LRRC36: variants seen among roughly 807,000 people sequenced by gnomAD.
LRRC36 encodes the protein leucine rich repeat containing 36.
A neutral mutation model predicts 81.1 loss-of-function variants in LRRC36; 62 were observed. The ratio of observed to expected loss-of-function variants is 0.76; its 90% CI spans 0.62 to 0.94. The LOEUF (loss-of-function observed/expected upper bound fraction) is 0.94, where lower values mean the gene tolerates loss of function less well. Ranked by LOEUF, LRRC36 falls within the 40% of genes least tolerant of loss-of-function variation. The pLI, the probability that LRRC36 is intolerant of heterozygous loss-of-function variation, is 0.00. For synonymous variants in LRRC36, 334 were observed against 348.6 expected (o/e 0.96, Z 0.47); for missense variants, 761 against 881.7 (o/e 0.86, Z 1.73).
intron 5 of LRRC36, chr16:67,362,074 T>C (rs2039172961): frequency 5.9e-6 from 2 of 340,802 alleles, no homozygotes; most frequent in South Asian, 2.2e-5. Flanking sequence ...CTATTAAAAC[T>C]TTTTTTTAAT....
chr16:67,362,257 G>C (rs775664903), intron 5 of LRRC36: 4 of 447,560 alleles, frequency 8.9e-6, no homozygotes, highest in South Asian at 1.6e-5. Context: ...CTACCTCCTG[G>C]GTTCAAGCAG....
intron 2 of LRRC36, among the ~76,000 whole-genome samples, chr16:67,344,252 G>C (rs1289629527): frequency 2.6e-5 from 4 of 152,132 alleles, no homozygotes; most frequent in Admixed American, 2.6e-4. Context: ...AAAAGTGAGA[G>C]GATAAGAGTT....
intron 9 of LRRC36, chr16:67,371,690 G>T: frequency 4.7e-6 from 1 of 212,878 alleles, no homozygotes; most frequent in South Asian, 8.3e-5. Context: ...GGCCAACATG[G>T]CGAAACCCCA....
chr16:67,345,305 C>A (rs117489568), intron 2 of LRRC36, among the ~76,000 whole-genome samples: 4,141 of 147,310 alleles, frequency 0.028, 61 homozygotes, highest in South Asian at 0.032. Context: ...TAGAGTGATA[C>A]CCTGTCTCAA....
Position 67,347,603 on chromosome 16 carries a change from C to T in LRRC36, c.488+12C>T. 1 of 1,596,676 alleles carries T rather than the reference C, an allele frequency of 6.3e-7. No homozygotes were observed. ...GAGGTGGAAAAAAGGTAAGAAGATT[C>T]TTTACAAAATTTTTAAAGTTTGGTT... On this transcript the variant is annotated intron_variant, in intron 4 of 13. Transcript: ENST00000329956.
rs758982907 is a variant in LRRC36, at chr16:67,342,089, G to A, written c.198+5G>A. 34 of 1,583,688 alleles carry A rather than the reference G, an allele frequency of 2.1e-5. No individual in the cohort carries two copies. In the South Asian group the frequency reaches 3.8e-4, roughly 18 times the overall value. ...AATTTGATCACTAGCCTTAAGGTAAGTTATATATTCTATGACCAGCCAGGT... is the reference window on the plus strand; with the variant it reads ...AATTTGATCACTAGCCTTAAGGTAAATTATATATTCTATGACCAGCCAGGT... On this transcript the variant is annotated splice_donor_5th_base_variant and intron_variant, in intron 2 of 13. Transcript: ENST00000329956.
intron 5 of LRRC36, among the ~76,000 whole-genome samples, chr16:67,361,466 A>G: frequency 6.6e-6 from 1 of 152,344 alleles, no homozygotes; most frequent in Non-Finnish European, 1.5e-5. Flanking sequence ...TGGTAAAAAA[A>G]TAAAATTATA....
At chr16:67,382,025 G>T in intron 12 of LRRC36, 108 bp from the exon 13 acceptor site, 2 of 694,684 alleles carry the variant, frequency 2.9e-6, no homozygotes, top group Non-Finnish European at 2.6e-6. Flanking sequence ...GTGAAGTTGG[G>T]TGCCATGGGG....
intron 1 of LRRC36, among the ~76,000 whole-genome samples, chr16:67,334,782 C>T (rs1034904566): frequency 3.3e-5 from 5 of 151,990 alleles, no homozygotes; most frequent in Non-Finnish European, 5.9e-5. Flanking sequence ...CCCTAAGTGT[C>T]GGCCGGCCTG....
chr16:67,376,934 T>G, intron 11 of LRRC36, 62 bp downstream of exon 11: 1 of 1,519,816 alleles, frequency 6.6e-7, no homozygotes, highest in South Asian at 1.3e-5. Flanking sequence ...CATCTCTGCC[T>G]TAATGATCAG....
chr16:67,341,806 T>C, intron 1 of LRRC36, 151 bp from the exon 2 acceptor site: 2 of 465,766 alleles, frequency 4.3e-6, no homozygotes, highest in South Asian at 1.2e-4. Context: ...TAGACCATAC[T>C]GCTGCTTTTA....
chr16:67,376,557 T>C (rs1396793094), intron 10 of LRRC36, among the ~76,000 whole-genome samples, 170 bp from the exon 11 acceptor site: 1 of 152,202 alleles, frequency 6.6e-6, no homozygotes, highest in African/African-American at 2.4e-5. Context: ...GGATGTAGGA[T>C]ATAATTTCTT....
chr16:67,384,641 A>C (rs986675167), intron 13 of LRRC36, among the ~76,000 whole-genome samples: 2 of 152,254 alleles, frequency 1.3e-5, no homozygotes, highest in Non-Finnish European at 2.9e-5. Flanking sequence ...AGCTATATAT[A>C]AAATGGGAAA....
At chr16:67,375,750 A>G (rs1032216954) in intron 10 of LRRC36, among the ~76,000 whole-genome samples, 1 of 152,160 alleles carries the variant, frequency 6.6e-6, no homozygotes, top group Non-Finnish European at 1.5e-5. Context: ...GAAAGTGCCA[A>G]TAATGAATAC....
At chr16:67,359,904 T>C (rs565028309) in intron 5 of LRRC36, among the ~76,000 whole-genome samples, 13 of 152,200 alleles carry the variant, frequency 8.5e-5, no homozygotes, top group African/African-American at 2.6e-4. Context: ...GGGCGGATCA[T>C]TTGAGGTCAG....
chr16:67,376,506 A>T (rs1427420260), intron 10 of LRRC36, among the ~76,000 whole-genome samples: 2 of 152,174 alleles, frequency 1.3e-5, no homozygotes, highest in African/African-American at 4.8e-5. Flanking sequence ...ATGACTAAGG[A>T]ATTATGCACT....
intron 1 of LRRC36, among the ~76,000 whole-genome samples, chr16:67,327,841 A>T (rs1194049535): frequency 6.6e-6 from 1 of 152,194 alleles, no homozygotes; most frequent in Non-Finnish European, 1.5e-5. Context: ...AATGCTATTG[A>T]CAGGCTGAGC....
intron 3 of LRRC36, 83 bp downstream of exon 3, chr16:67,346,531 G>A (rs896852153): frequency 1.2e-5 from 9 of 770,992 alleles, no homozygotes; most frequent in Non-Finnish European, 1.6e-5. Context: ...TTGGCCCACA[G>A]TGTGCACTGG....
In LRRC36 at chr16:67,342,039, T is replaced by C. The variant is rs375036037; in HGVS notation, c.153T>C (p.Asn51=). Residue 51 remains asparagine, a synonymous_variant, in exon 2 of 14, where the codon AAT becomes AAC. Coordinates refer to ENST00000329956, the MANE Select transcript of LRRC36 (RefSeq NM_018296.6). ...GTGATGCCTTCAGAAATTTTAAAAA[T>C]CTCCGATCCTTAGATTTATCAAGGA... ...SIGDAFRNFK[N]LRSLDLSRNL... is the part of the protein sequence containing the mutation. 1.8e-5 allele frequency: 29 copies of C among 1,611,290 alleles called. No homozygotes were observed. Among genetic ancestry groups the C allele is most frequent in the African/African-American group, 4.0e-5 (3 of 74,844 alleles).
Sources: allele counts gnomAD v4.1 joint callset (sites outside exome capture counted in the v4.1 genomes callset), GRCh38; gene constraint gnomAD v4.1.1; transcripts MANE v1.5; gene names NCBI Gene and HGNC (gene_info 2026-07-23, HGNC 2026-07-21).